Variants in MTIF3 observed in about 807,000 individuals in gnomAD.
The protein encoded by MTIF3 is mitochondrial translational initiation factor 3.
In MTIF3, 13 loss-of-function variants were observed where a neutral mutation model predicts 20.7. The ratio of observed to expected loss-of-function variants is 0.63; its 90% confidence interval spans 0.41 to 1.00. MTIF3 has a LOEUF of 1.00. Among genes scored for constraint, MTIF3 ranks in the 50% least tolerant of loss-of-function variants. MTIF3 has a pLI of 0.00. For synonymous variants in MTIF3, 114 were observed against 112.5 expected, an observed-to-expected ratio of 1.01 and a Z score of -0.08; for missense variants, 295 against 324.5, an observed-to-expected ratio of 0.91 and a Z score of 0.70.
chr13:27,445,255 G>T (rs1432590755), intron 1 of MTIF3, 99 bp from the exon 2 acceptor site: 1 of 152,168 alleles, frequency 6.6e-6, no homozygotes, highest in Non-Finnish European at 1.5e-5. Context: ...CAAGGCGAGA[G>T]GATCACTTAA....
Position 27,440,284 on chromosome 13 carries a change from A to G in MTIF3, c.165T>C (p.Phe55=). The G allele has an allele frequency of 6.2e-7, 1 of 1,614,166 alleles. No individual in the cohort carries two copies. Among genetic ancestry groups the G allele is most frequent in the South Asian group, 1.1e-5 (1 of 91,088 alleles). Residue 55 remains phenylalanine (F), a synonymous_variant, in exon 3 of 5, where the codon TTT becomes TTC. Transcript: ENST00000381120. ...RLSFLIHAKA[F]STAEDTQNEG... is the part of the protein sequence containing the mutation. The stretch of plus-strand genomic sequence containing the variant: ...CATTCTGGGTGTCTTCAGCGGTACT[A>G]AAGGCTTTTGCATGAATTAGGAAGG...
intron 3 of MTIF3, among the ~76,000 whole-genome samples, chr13:27,437,829 T>C (rs1036325892): frequency 6.6e-6 from 1 of 152,114 alleles, no homozygotes; most frequent in Admixed American, 6.5e-5. Flanking sequence ...TCCCCAGGTA[T>C]ACTAATGTTC....
chr13:27,439,853 T>C (rs1953931827), intron 3 of MTIF3, 136 bp downstream of exon 3: 1 of 736,084 alleles, frequency 1.4e-6, no homozygotes, highest in African/African-American at 1.8e-5. Context: ...AGACAGACAC[T>C]GGGAATGGTG....
intron 2 of MTIF3, 116 bp from the exon 3 acceptor site, chr13:27,440,565 G>A: frequency 1.3e-6 from 1 of 753,634 alleles, no homozygotes; most frequent in Non-Finnish European, 2.1e-6. Flanking sequence ...GCAAGTGTGA[G>A]GGAAATGCTG....
chr13:27,448,372 A>T (rs1954246854), intron 1 of MTIF3, among the ~76,000 whole-genome samples: 1 of 152,114 alleles, frequency 6.6e-6, no homozygotes, highest in Admixed American at 6.5e-5. Context: ...AATTCTCATG[A>T]CTCTAAGAAC....
At chr13:27,446,277 C>T (rs982624178) in intron 1 of MTIF3, among the ~76,000 whole-genome samples, 1 of 152,094 alleles carries the variant, frequency 6.6e-6, no homozygotes, top group African/African-American at 2.4e-5. Flanking sequence ...AGGCTGGTCT[C>T]GATCTCCTGA....
chr13:27,448,573 A>G (rs913168017), intron 1 of MTIF3, among the ~76,000 whole-genome samples: 4 of 152,200 alleles, frequency 2.6e-5, no homozygotes, highest in African/African-American at 9.6e-5. Context: ...TGTACTCTCC[A>G]TAATGAGGCT....
At chr13:27,436,069 C>T (rs1041450106) in intron 4 of MTIF3, among the ~76,000 whole-genome samples, 176 bp from the exon 5 acceptor site, 1 of 152,106 alleles carries the variant, frequency 6.6e-6, no homozygotes, top group Non-Finnish European at 1.5e-5. Flanking sequence ...ACAATAACAC[C>T]ATGTAACTAA....
rs1954337274 is a variant in MTIF3 at position 27,450,551 on chromosome 13, TA to T, written c.-114del. On this transcript the variant is annotated 5_prime_UTR_variant, in exon 1 of 5. Transcript: ENST00000381120. Reference sequence around the variant, plus strand: ...ATTGACATACTGTAGCGGACGCAAGTACAGCGGATCTGCGGCGAGTCCCCTT... The same window carrying T: ...ATTGACATACTGTAGCGGACGCAAGTCAGCGGATCTGCGGCGAGTCCCCTT... 7.2e-6 allele frequency: 1 copy of T among 139,464 alleles called. No individual in the cohort carries two copies. The highest frequency in any genetic ancestry group is 1.5e-5 in the Non-Finnish European group (1 of 68,032). The allele number at this position is 139,464 out of a possible 1,614,324, so 8.6% of individuals were successfully genotyped here. A position where few individuals can be genotyped will look rare whatever the true frequency, so the allele number is the denominator to read the frequency against.
Position 27,440,127 on chromosome 13 carries a change from G to A in MTIF3, c.322C>T (p.Leu108Phe). 1.9e-6 allele frequency: 3 copies of A among 1,614,204 alleles called. No homozygotes were observed. Among genetic ancestry groups the A allele is most frequent in the Non-Finnish European group, 2.5e-6 (3 of 1,180,042 alleles). The change falls in exon 3 of 5, where the codon CTT (leucine) becomes TTT (phenylalanine). Residue 108 changes from leucine to phenylalanine, a missense_variant. Coordinates refer to ENST00000381120, the MANE Select transcript of MTIF3 (RefSeq NM_152912.5). ...GNMHRANVIR[L>F]MDERDLRLVQ... ...AGTCGCAGGTCTCGCTCATCCATAA[G>A]TCTAATCACATTTGCTCGGTGCATG...
intron 2 of MTIF3, among the ~76,000 whole-genome samples, chr13:27,442,029 G>A (rs1954020020): frequency 6.6e-6 from 1 of 152,124 alleles, no homozygotes; most frequent in Non-Finnish European, 1.5e-5. Context: ...TTATAGCTCT[G>A]GTGCCAGTCT....
chr13:27,440,862 C>T (rs541176160), intron 2 of MTIF3, among the ~76,000 whole-genome samples: 2 of 152,130 alleles, frequency 1.3e-5, no homozygotes, highest in East Asian at 3.9e-4. Flanking sequence ...TTACTAATAG[C>T]TTACTGTTGA....
At chr13:27,447,301 C>G in intron 1 of MTIF3, among the ~76,000 whole-genome samples, 1 of 151,834 alleles carries the variant, frequency 6.6e-6, no homozygotes, top group South Asian at 2.1e-4. Context: ...TACCCCTAAC[C>G]TTTCAAAGTT....
chr13:27,435,767 T>C lies in MTIF3; in HGVS notation c.745A>G (p.Lys249Glu). Residue 249 changes from lysine to glutamate, a missense_variant, in exon 5 of 5, where the codon AAG (lysine) becomes GAG (glutamate). Coordinates refer to ENST00000381120, the MANE Select transcript of MTIF3 (RefSeq NM_152912.5). ...GTCTCTTGAGTTTCTTTATATGCCT[T>C]CTCCTCATTTTTGCTGAAAGCACGA... is the stretch of plus-strand genomic sequence containing the variant. ...VLRAFSKNEE[K>E]AYKETQETQE... is the part of the protein sequence containing the mutation. 6.2e-7 allele frequency: 1 copy of C among 1,614,138 alleles called. No homozygotes were observed. Among genetic ancestry groups the C allele is most frequent in the Non-Finnish European group, 8.5e-7 (1 of 1,179,988 alleles).
At chr13:27,449,853 T>C (rs1954301604) in intron 1 of MTIF3, 2 of 152,222 alleles carry the variant, frequency 1.3e-5, no homozygotes, top group South Asian at 4.1e-4. Context: ...AACACGTACT[T>C]GAAACTGAGA....
chr13:27,450,282 T>TCGG, intron 1 of MTIF3: 1 of 152,310 alleles, frequency 6.6e-6, no homozygotes, highest in Non-Finnish European at 1.5e-5. Context: ...ACTCTAGGTC[T>TCGG]AACATCCCTC....
chr13:27,440,319 G>C lies in MTIF3; in HGVS notation c.130C>G (p.Pro44Ala). The change falls in exon 3 of 5, where the codon CCA (proline) becomes GCA (alanine). Residue 44 changes from proline (P) to alanine (A), a missense_variant. Coordinates refer to ENST00000381120, the MANE Select transcript of MTIF3 (RefSeq NM_152912.5). ...PAQLSPIASAPRLSFLIHAKA... is the reference protein window; with the variant it reads ...PAQLSPIASAARLSFLIHAKA... ...GCATGAATTAGGAAGGAGAGTCTTG[G>C]GGCAGAAGCAATAGGGGACAACTGT... 6.2e-7 allele frequency: 1 copy of C among 1,614,126 alleles called. No individual in the cohort carries two copies. Among genetic ancestry groups the C allele is most frequent in the Non-Finnish European group, 8.5e-7 (1 of 1,180,026 alleles).
At chr13:27,440,531 T>C in intron 2 of MTIF3, 82 bp from the exon 3 acceptor site, 2 of 1,126,040 alleles carry the variant, frequency 1.8e-6, no homozygotes, top group Non-Finnish European at 2.5e-6. Flanking sequence ...GCAGGGTGTG[T>C]GTGAGGTTGT....
chr13:27,445,347 G>C (rs55696761), intron 1 of MTIF3, among the ~76,000 whole-genome samples, 191 bp from the exon 2 acceptor site: 2 of 152,044 alleles, frequency 1.3e-5, no homozygotes, highest in South Asian at 4.2e-4. Context: ...GTGTTGACAC[G>C]CAACTGTACT....
Sources: allele counts gnomAD v4.1 joint callset (sites outside exome capture counted in the v4.1 genomes callset), GRCh38; gene constraint gnomAD v4.1.1; transcripts MANE v1.5; gene names NCBI Gene and HGNC (gene_info 2026-07-23, HGNC 2026-07-21).